The following UNC13B variants were observed in gnomAD, a reference collection of about 807,000 sequenced individuals.
The protein encoded by UNC13B is protein unc-13 homolog B.
In UNC13B, 144 loss-of-function variants were observed where a neutral mutation model predicts 211.0. The ratio of observed to expected loss-of-function variants is 0.68; its 90% CI spans 0.60 to 0.78. UNC13B has a LOEUF of 0.78. Among genes scored for constraint, UNC13B ranks in the 30% least tolerant of loss-of-function variants. The probability of loss-of-function intolerance (pLI) is 0.00; values close to 1 mark genes in which losing one functional copy is unlikely to be tolerated. For synonymous variants in UNC13B, 709 were observed against 725.8 expected (o/e 0.98, Z 0.37); for missense variants, 1,777 against 2,002.0 (o/e 0.89, Z 2.14).
At chr9:35,398,824 G>A (rs1013727787) in intron 32 of UNC13B, 58 bp from the exon 33 acceptor site, 37 of 1,589,292 alleles carry the variant, frequency 2.3e-5, no homozygotes, top group Middle Eastern at 1.7e-4. Context: ...AGCTGGTGCC[G>A]CTCCAGGGAC....
At chr9:35,365,195 G>A (rs534301340) in intron 11 of UNC13B, among the ~76,000 whole-genome samples, 17 of 152,314 alleles carry the variant, frequency 1.1e-4, no homozygotes, top group African/African-American at 3.8e-4. Context: ...AAGACCATGA[G>A]GGTTTGCTTT....
intron 37 of UNC13B, chr9:35,401,939 G>A: frequency 1.3e-6 from 2 of 1,550,436 alleles, no homozygotes; most frequent in Middle Eastern, 3.3e-4. Flanking sequence ...TGACTTGCCT[G>A]TCCTCATTCA....
intron 1 of UNC13B, among the ~76,000 whole-genome samples, chr9:35,187,965 T>C (rs972921739): frequency 1.3e-5 from 2 of 152,168 alleles, no homozygotes; most frequent in African/African-American, 4.8e-5. Flanking sequence ...ACAAACATAC[T>C]CCAAATTTTG....
intron 1 of UNC13B, among the ~76,000 whole-genome samples, chr9:35,182,357 C>G (rs1821983489): frequency 6.6e-6 from 1 of 151,930 alleles, no homozygotes; most frequent in Admixed American, 6.6e-5. Flanking sequence ...TGCTTTTCAT[C>G]TTTTGCTTCT....
chr9:35,370,364 A>C lies in UNC13B; in HGVS notation c.9508A>C (p.Arg3170=), dbSNP rs752097951. ...CATTGACAGCATGCCAGATTTACGC[A>C]GAAAGAAGCCACTGCCACTTGTCAG... ...YGIDSMPDLR[R]KKPLPLVSDL... is the part of the protein sequence containing the mutation. Residue 3170 remains arginine (R), a synonymous_variant, in exon 13 of 40, where the codon AGA becomes CGA. Transcript: ENST00000635942. The C allele has an allele frequency of 6.2e-7, 1 of 1,614,026 alleles. No individual in the cohort carries two copies.
At chr9:35,247,053 T>C (rs942881164) in intron 6 of UNC13B, among the ~76,000 whole-genome samples, 17 of 152,200 alleles carry the variant, frequency 1.1e-4, no homozygotes, top group Non-Finnish European at 1.9e-4. Flanking sequence ...TAGTTCTCCT[T>C]GAAGAGGTCC....
intron 11 of UNC13B, among the ~76,000 whole-genome samples, chr9:35,325,419 TG>T (rs1269812301): frequency 6.6e-6 from 1 of 152,206 alleles, no homozygotes; most frequent in Non-Finnish European, 1.5e-5. Context: ...TTACACAGCT[TG>T]CCTCCACTTC....
Position 35,377,984 on chromosome 9 carries a change from A to C in UNC13B, c.10063+289A>C, listed in dbSNP as rs1442760563. Among the ~76,000 whole-genome samples, 18 of 143,722 alleles carry C rather than the reference A, an allele frequency of 1.3e-4. No individual in the cohort carries two copies. In the South Asian group the frequency reaches 1.4e-3, roughly 11 times the overall value. The allele number at this position is 143,722 out of a possible 152,430, so 94.3% of individuals were successfully genotyped here. On this transcript the variant is annotated intron_variant, in intron 16 of 39. Transcript: ENST00000635942. Reference sequence around the variant, plus strand: ...ATTATAAGAGGTGGGGGGAGGGGGAAGGGGAAGGGCAGGGGACCAGGGAGT... The same window carrying C: ...ATTATAAGAGGTGGGGGGAGGGGGACGGGGAAGGGCAGGGGACCAGGGAGT...
intron 1 of UNC13B, among the ~76,000 whole-genome samples, chr9:35,205,259 T>A (rs1823576948): frequency 6.6e-6 from 1 of 152,130 alleles, no homozygotes; most frequent in Admixed American, 6.6e-5. Context: ...ACCTCTTTTT[T>A]AAATAAATCA....
Position 35,249,909 on chromosome 9 carries a change from A to T in UNC13B, c.468+6545A>T, listed in dbSNP as rs117592263. Among the ~76,000 whole-genome samples the T allele has an allele frequency of 9.3e-4, 142 of 152,146 alleles. 1 individual carries two copies. The East Asian group carries it at 0.023, about 24-fold the overall frequency. On this transcript the variant is annotated intron_variant, in intron 6 of 39. Coordinates refer to ENST00000635942, the MANE Select transcript of UNC13B (RefSeq NM_001371189.2). ...AGGGTATGGCACTCACTACATTTTC[A>T]TCTTTCATCCTCTCTTCCACTGTGC...
In UNC13B at chr9:35,403,929, G is replaced by A. The variant is rs1228392364; in HGVS notation, c.12919G>A (p.Gly4307Ser). The stretch of plus-strand genomic sequence containing the variant: ...CCGGAAGATCCATATGGATGAGACA[G>A]GCCTGACCATTCTCCGGATTTTATC... ...LGRKIHMDET[G>S]LTILRILSQR... Residue 4307 changes from glycine (G) to serine (S), a missense_variant, in exon 40 of 40, where the codon GGC becomes AGC. By Grantham distance (56) the Gly-to-Ser change is moderately conservative (BLOSUM62 0). Transcript: ENST00000635942. The A allele has an allele frequency of 6.2e-7, 1 of 1,614,156 alleles. No homozygotes were observed. The highest frequency in any genetic ancestry group is 1.3e-5 in the African/African-American group (1 of 75,020).
At chr9:35,385,010 C>A (rs1263267246) in intron 22 of UNC13B, 1 of 979,378 alleles carries the variant, frequency 1.0e-6, no homozygotes, top group African/African-American at 1.8e-5. Context: ...ACTCAAGTGC[C>A]CTCCATTTGC....
chr9:35,196,504 A>T (rs1822949549), intron 1 of UNC13B, among the ~76,000 whole-genome samples: 1 of 152,174 alleles, frequency 6.6e-6, no homozygotes, highest in South Asian at 2.1e-4. Context: ...TACAGTTCTT[A>T]TATATTCTCC....
intron 1 of UNC13B, among the ~76,000 whole-genome samples, chr9:35,184,264 G>A (rs376187854): frequency 3.3e-5 from 5 of 151,848 alleles, no homozygotes; most frequent in East Asian, 2.0e-4. Context: ...CATCCCAGAC[G>A]ATGGGCGGCC....
chr9:35,359,348 A>G (rs1833243179), intron 11 of UNC13B, among the ~76,000 whole-genome samples: 1 of 152,118 alleles, frequency 6.6e-6, no homozygotes, highest in Admixed American at 6.6e-5. Flanking sequence ...CCAACCTTGT[A>G]GCATCCTGGG....
At chr9:35,320,283 G>A (rs1222893235) in intron 11 of UNC13B, among the ~76,000 whole-genome samples, 1 of 152,090 alleles carries the variant, frequency 6.6e-6, no homozygotes, top group Non-Finnish European at 1.5e-5. Context: ...TTGAATGCTA[G>A]CTCTGTTTTA....
intron 11 of UNC13B, among the ~76,000 whole-genome samples, chr9:35,338,316 A>G (rs971996125): frequency 6.6e-6 from 1 of 152,180 alleles, no homozygotes; most frequent in African/African-American, 2.4e-5. Flanking sequence ...TTGTAGGACT[A>G]AGACTTGTCA....
chr9:35,264,481 G>C (rs1827458139), intron 7 of UNC13B, among the ~76,000 whole-genome samples: 1 of 152,234 alleles, frequency 6.6e-6, no homozygotes, highest in African/African-American at 2.4e-5. Flanking sequence ...TTTTGAAGAT[G>C]TGATGTGGCT....
At chr9:35,249,008 C>G (rs1166161073) in intron 6 of UNC13B, among the ~76,000 whole-genome samples, 2 of 152,150 alleles carry the variant, frequency 1.3e-5, no homozygotes, top group South Asian at 2.1e-4. Context: ...TTGTAGGTCT[C>G]TAAGGACTTG....
Sources: gnomAD v4.1 joint callset for allele counts (sites outside exome capture counted in the v4.1 genomes callset) on GRCh38, gnomAD v4.1.1 for gene constraint, MANE v1.5 for transcripts, NCBI Gene and HGNC (gene_info 2026-07-23, HGNC 2026-07-21) for gene names.